The following XAF1 variants were observed in gnomAD, a reference collection of about 807,000 sequenced individuals.
XAF1 encodes XIAP associated factor 1, also known as XIAP-associated factor 1.
Under a neutral mutation model 32.3 loss-of-function variants are expected in XAF1, and 32 were observed. That is an observed-to-expected ratio of 0.99 (90% CI 0.75 to 1.33). The LOEUF (loss-of-function observed/expected upper bound fraction) is 1.33. Ranked by LOEUF, XAF1 falls within the 40% of genes most tolerant of loss-of-function variation. The pLI is 0.00. For synonymous variants in XAF1, 120 were observed against 125.9 expected (o/e 0.95, Z 0.31); for missense variants, 379 against 366.0 (o/e 1.04, Z -0.29).
intron 1 of XAF1, chr17:6,756,332 C>A: frequency 7.4e-7 from 1 of 1,354,916 alleles, no homozygotes; most frequent in Non-Finnish European, 9.6e-7. Context: ...GCCCCTTTCC[C>A]CCAAATGTTA....
intron 5 of XAF1, among the ~76,000 whole-genome samples, chr17:6,765,007 C>A (rs996585856): frequency 2.6e-5 from 4 of 152,210 alleles, no homozygotes; most frequent in Non-Finnish European, 4.4e-5. Flanking sequence ...GTCTCTCATT[C>A]TCTACCTCCC....
intron 5 of XAF1, among the ~76,000 whole-genome samples, chr17:6,767,914 A>G (rs1975737036): frequency 6.6e-6 from 1 of 152,168 alleles, no homozygotes. Flanking sequence ...ATAAAGTCTA[A>G]AGTTAGTCAT....
At chr17:6,771,110 T>A in intron 6 of XAF1, 126 bp downstream of exon 6, 1 of 998,256 alleles carries the variant, frequency 1.0e-6, no homozygotes, top group Non-Finnish European at 1.5e-6. Flanking sequence ...TGACTCCCAC[T>A]TCTCTGGGTG....
chr17:6,756,034 C>A, upstream of XAF1: 1 of 1,613,536 alleles, frequency 6.2e-7, no homozygotes, highest in Non-Finnish European at 8.5e-7. Flanking sequence ...TGTTTCCTTG[C>A]CTGCAAGAAA....
At position 6,761,656 on chromosome 17, in the gene XAF1, T is replaced by C. The variant is rs1021977377; in HGVS notation, c.422-499T>C. On this transcript the variant is annotated intron_variant, in intron 4 of 6. Coordinates refer to ENST00000361842, the MANE Select transcript of XAF1 (RefSeq NM_017523.5). The stretch of plus-strand genomic sequence containing the variant: ...CTGGAAATTGTGAGAGTCATGTATA[T>C]TTCCTTCATCCCAGCATGGCTGGAC... 20 of 384,068 alleles carry C rather than the reference T, an allele frequency of 5.2e-5. No homozygotes were observed. The Admixed American group carries it at 8.8e-4, about 17-fold the overall frequency. 23.8% of individuals were successfully genotyped at this position (384,068 alleles called of 1,614,324 possible).
chr17:6,758,107 T>C lies in XAF1; in HGVS notation c.51T>C (p.Ser17=), dbSNP rs1469925907. 1 of 1,614,220 alleles carries C rather than the reference T, an allele frequency of 6.2e-7. No homozygotes were observed. The highest frequency in any genetic ancestry group is 8.5e-7 in the Non-Finnish European group (1 of 1,180,036). Residue 17 remains serine (S), a synonymous_variant, in exon 2 of 7, where the codon TCT becomes TCC. Transcript: ENST00000361842. ...CCTGTAGTAAAAGACATGTAGTCTC[T>C]GCCAACTTCACCCTCCATGAGGCTT... ...VCRNCKRHVV[S]ANFTLHEAYC... is the part of the protein sequence containing the mutation.
chr17:6,769,785 G>T (rs1016302858), intron 5 of XAF1, among the ~76,000 whole-genome samples: 2 of 152,136 alleles, frequency 1.3e-5, no homozygotes, highest in Non-Finnish European at 2.9e-5. Flanking sequence ...AGACCATGAG[G>T]CCAAAGTAAA....
Position 6,759,852 on chromosome 17 carries a change from A to G in XAF1, c.225+134A>G, listed in dbSNP as rs548282087. 1.1e-4 allele frequency: 158 copies of G among 1,478,912 alleles called. No homozygotes were observed. The African/African-American group carries it at 2.0e-3, about 19-fold the overall frequency. The allele number at this position is 1,478,912 out of a possible 1,614,324, so 91.6% of individuals were successfully genotyped here. On this transcript the variant is annotated intron_variant, in intron 3 of 6. Coordinates refer to ENST00000361842, the MANE Select transcript of XAF1 (RefSeq NM_017523.5). ...TTTCACCCCATTAGGCTTGGAGAGC[A>G]GTGGAGAACTAGCCCACCGCATAAC...
intron 6 of XAF1, among the ~76,000 whole-genome samples, chr17:6,772,091 T>A (rs752512472): frequency 1.3e-5 from 2 of 152,226 alleles, no homozygotes; most frequent in African/African-American, 2.4e-5. Flanking sequence ...TGTATGCACA[T>A]AAGCATATAA....
chr17:6,760,347 CA>C (rs71383422), intron 3 of XAF1, 58 bp from the exon 4 acceptor site: 124,350 of 1,008,836 alleles, frequency 0.12, 75 homozygotes, highest in Non-Finnish European at 0.13. Flanking sequence ...GACTCTGTCT[CA>C]AAAAAAAAAA....
intron 6 of XAF1, 73 bp downstream of exon 6, chr17:6,771,057 G>C (rs758589799): frequency 1.3e-6 from 2 of 1,515,640 alleles, no homozygotes; most frequent in Admixed American, 3.9e-5. Flanking sequence ...TCCAAGACCT[G>C]AAAGATGTTC....
At chr17:6,756,357 G>C in intron 1 of XAF1, 11 of 1,238,330 alleles carry the variant, frequency 8.9e-6, no homozygotes, top group Non-Finnish European at 1.2e-5. Flanking sequence ...TTCTGGGACA[G>C]TTCTGAAGCC....
At chr17:6,757,185 T>C (rs1374925434) in intron 1 of XAF1, among the ~76,000 whole-genome samples, 30 of 152,112 alleles carry the variant, frequency 2.0e-4, no homozygotes, top group Non-Finnish European at 4.4e-5. Context: ...ATTGTTTTAG[T>C]AGAGATGAGG....
At position 6,758,529 on chromosome 17, in the gene XAF1, G is replaced by A. The variant is rs1974899463; in HGVS notation, c.168+305G>A. ...AGGCGAGTGTTCAGTCCTCTCTGCA[G>A]GACAGATGGGGTCTGAGAGTCAAGG... On this transcript the variant is annotated intron_variant, in intron 2 of 6. Transcript: ENST00000361842. The A allele has an allele frequency of 6.7e-6, 3 of 449,310 alleles. No individual in the cohort carries two copies. In the Admixed American group the frequency reaches 1.0e-4, roughly 16 times the overall value. 27.8% of individuals were successfully genotyped at this position (449,310 alleles called of 1,614,324 possible).
chr17:6,771,568 T>C (rs977501697), intron 6 of XAF1: 3 of 152,224 alleles, frequency 2.0e-5, no homozygotes, highest in African/African-American at 7.2e-5. Flanking sequence ...GAGCTCTTTA[T>C]AATCTTCATC....
chr17:6,770,761 A>G lies in XAF1; in HGVS notation c.626A>G (p.Asp209Gly). The G allele has an allele frequency of 1.2e-6, 2 of 1,614,090 alleles. No individual in the cohort carries two copies. The highest frequency in any genetic ancestry group is 1.7e-6 in the Non-Finnish European group (2 of 1,180,008). The change falls in exon 6 of 7, where the codon GAT becomes GGT. Residue 209 changes from aspartate to glycine, a missense_variant. Asp to Gly is a moderately conservative substitution (Grantham distance 94, BLOSUM62 -1). Transcript: ENST00000361842. ...AENQTSTMEK[D>G]VRPKTRSINR... The stretch of plus-strand genomic sequence containing the variant: ...AATCAAACTTCCACGATGGAGAAAG[A>G]TGTTCGTCCAAAGACAAGAAGTATA...
chr17:6,773,101 T>G lies in XAF1; in HGVS notation c.850-12T>G. 6.2e-7 allele frequency: 1 copy of G among 1,601,786 alleles called. No individual in the cohort carries two copies. Among genetic ancestry groups the G allele is most frequent in the Non-Finnish European group, 8.5e-7 (1 of 1,176,260 alleles). On this transcript the variant is annotated splice_polypyrimidine_tract_variant and intron_variant, in intron 6 of 6. Transcript: ENST00000361842. ...TTAACCATATCAAACTTTTTTTATA[T>G]CCATTTCTTAGGAGAAATGCCGGTG...
chr17:6,760,972 T>C (rs547929402), intron 4 of XAF1, among the ~76,000 whole-genome samples: 18 of 152,018 alleles, frequency 1.2e-4, no homozygotes, highest in African/African-American at 4.1e-4. Context: ...TTGACCAACA[T>C]GGAGAAACCC....
chr17:6,762,337 A>T (rs1975284910), intron 5 of XAF1, 97 bp downstream of exon 5: 6 of 995,438 alleles, frequency 6.0e-6, no homozygotes, highest in Non-Finnish European at 8.7e-6. Context: ...AATTTTACAT[A>T]GCATGGATAT....
Sources: allele counts gnomAD v4.1 joint callset (sites outside exome capture counted in the v4.1 genomes callset), GRCh38; gene constraint gnomAD v4.1.1; transcripts MANE v1.5; gene names NCBI Gene and HGNC (gene_info 2026-07-23, HGNC 2026-07-21).